The following CDH4 variants were observed in gnomAD, a reference collection of about 807,000 sequenced individuals.
The protein encoded by CDH4 is cadherin 4, also known as cadherin-4.
In CDH4, 33 loss-of-function variants were observed where a neutral mutation model predicts 86.0. The observed-to-expected ratio is 0.38, with a 90% confidence interval of 0.29 to 0.51. The LOEUF (loss-of-function observed/expected upper bound fraction) is 0.51, where lower values mean the gene tolerates loss of function less well. CDH4 is among the 20% of genes least tolerant of loss of function. The pLI is 0.86. For synonymous variants in CDH4, 555 were observed against 549.4 expected, an observed-to-expected ratio of 1.01 and a Z score of -0.14; for missense variants, 1,114 against 1,307.4, an observed-to-expected ratio of 0.85 and a Z score of 2.28.
intron 2 of CDH4, among the ~76,000 whole-genome samples, chr20:61,495,463 G>T (rs2085654389): frequency 6.6e-6 from 1 of 152,194 alleles, no homozygotes; most frequent in South Asian, 2.1e-4. Flanking sequence ...CAGCTGTGCT[G>T]CAGGGCAGCC....
chr20:61,632,595 C>T (rs2086900078), intron 2 of CDH4, among the ~76,000 whole-genome samples: 1 of 152,022 alleles, frequency 6.6e-6, no homozygotes, highest in African/African-American at 2.4e-5. Context: ...CCACTCTACC[C>T]TCCACCCACT....
At chr20:61,576,432 G>A (rs948625833) in intron 2 of CDH4, among the ~76,000 whole-genome samples, 1 of 152,140 alleles carries the variant, frequency 6.6e-6, no homozygotes, top group Non-Finnish European at 1.5e-5. Context: ...CCTGGTCTTG[G>A]CTTCACTAGT....
intron 2 of CDH4, among the ~76,000 whole-genome samples, chr20:61,260,883 T>A (rs981391125): frequency 2.0e-5 from 3 of 152,228 alleles, no homozygotes; most frequent in Admixed American, 1.3e-4. Flanking sequence ...TAGAAAGTGG[T>A]TGCTATCAGA....
chr20:61,891,012 C>T (rs1461540424), intron 7 of CDH4, among the ~76,000 whole-genome samples: 2 of 152,042 alleles, frequency 1.3e-5, no homozygotes, highest in African/African-American at 4.8e-5. Context: ...AAAATCAATT[C>T]CAGAGACTTT....
chr20:61,328,452 G>T (rs761762622), intron 2 of CDH4, among the ~76,000 whole-genome samples: 22 of 152,222 alleles, frequency 1.4e-4, no homozygotes, highest in Non-Finnish European at 2.9e-4. Context: ...TGGGATTACA[G>T]GCGTGAGCCA....
chr20:61,710,745 C>A (rs1247940789), intron 2 of CDH4, among the ~76,000 whole-genome samples: 1 of 152,200 alleles, frequency 6.6e-6, no homozygotes, highest in Non-Finnish European at 1.5e-5. Flanking sequence ...TGATGCTGTT[C>A]CAGGCTAAAG....
chr20:61,739,247 C>T (rs1260833609), intron 2 of CDH4, among the ~76,000 whole-genome samples: 1 of 152,316 alleles, frequency 6.6e-6, no homozygotes, highest in African/African-American at 2.4e-5. Context: ...CGGGGGGTCC[C>T]GTGAAGATTC....
intron 14 of CDH4, 65 bp from the exon 15 acceptor site, chr20:61,933,991 C>A: frequency 1.3e-6 from 2 of 1,569,626 alleles, no homozygotes; most frequent in Non-Finnish European, 1.7e-6. Context: ...GAAAAGGATG[C>A]AGGGTGGAAG....
chr20:61,777,405 G>C (rs916420738), intron 4 of CDH4, among the ~76,000 whole-genome samples: 2 of 152,222 alleles, frequency 1.3e-5, no homozygotes, highest in African/African-American at 2.4e-5. Context: ...TGCAAGTATC[G>C]CTGTGGCTCA....
chr20:61,787,471 G>C (rs2386938), intron 4 of CDH4, among the ~76,000 whole-genome samples: 53,344 of 151,994 alleles, frequency 0.35, 9,580 homozygotes, highest in African/African-American at 0.41. Context: ...AGGTAACTGC[G>C]CCCATGATTC....
intron 2 of CDH4, among the ~76,000 whole-genome samples, chr20:61,711,955 G>A (rs954300133): frequency 6.6e-6 from 1 of 152,186 alleles, no homozygotes; most frequent in Non-Finnish European, 1.5e-5. Context: ...GCTGTGCACT[G>A]AGGTGAGTTG....
chr20:61,924,317 A>G lies in CDH4; in HGVS notation c.1629-17A>G, dbSNP rs750292989. On this transcript the variant is annotated splice_polypyrimidine_tract_variant and intron_variant, in intron 10 of 15. Coordinates refer to ENST00000614565, the MANE Select transcript of CDH4 (RefSeq NM_001794.5). The stretch of plus-strand genomic sequence containing the variant: ...CACCCCCAGCCTTACCTCCCCCTGC[A>G]CTTGTGGTCTCCGCAGATACTCAAA... 5.8e-6 allele frequency: 8 copies of G among 1,382,532 alleles called. No individual in the cohort carries two copies. In the African/African-American group the frequency reaches 6.2e-5, roughly 11 times the overall value. 85.6% of individuals were successfully genotyped at this position (1,382,532 alleles called of 1,614,324 possible).
rs539698736 is a variant in CDH4 at position 61,840,254 on chromosome 20, TC to T, written c.577-4411del. ...ACAGGAGGCCCTGGTGCAGGGGCCTTCCCGGTGGGTGGGTCTCTCCCTCCCC... is the reference window on the plus strand; with the variant it reads ...ACAGGAGGCCCTGGTGCAGGGGCCTTCCGGTGGGTGGGTCTCTCCCTCCCC... On this transcript the variant is annotated intron_variant, in intron 4 of 15. Transcript: ENST00000614565. Among the ~76,000 whole-genome samples the T allele has an allele frequency of 1.8e-4, 27 of 152,274 alleles. No individual in the cohort carries two copies. In the East Asian group the frequency reaches 5.0e-3, roughly 28 times the overall value.
At chr20:61,696,761 G>A (rs1441117013) in intron 2 of CDH4, among the ~76,000 whole-genome samples, 1 of 152,198 alleles carries the variant, frequency 6.6e-6, no homozygotes, top group African/African-American at 2.4e-5. Context: ...ATACATCCAT[G>A]TCCTCACCCC....
intron 2 of CDH4, among the ~76,000 whole-genome samples, chr20:61,505,814 T>G (rs2085736416): frequency 6.6e-6 from 1 of 151,508 alleles, no homozygotes; most frequent in Admixed American, 6.6e-5. Flanking sequence ...CTCACGCTGC[T>G]TATGTTAAGA....
At chr20:61,923,975 C>T (rs2055014992) in intron 10 of CDH4, among the ~76,000 whole-genome samples, 1 of 152,244 alleles carries the variant, frequency 6.6e-6, no homozygotes, top group Admixed American at 6.5e-5. Context: ...TGGCCACACT[C>T]TCATAGCTAT....
At chr20:61,494,913 G>A (rs760834039) in intron 2 of CDH4, among the ~76,000 whole-genome samples, 10 of 152,212 alleles carry the variant, frequency 6.6e-5, no homozygotes, top group Admixed American at 6.5e-4. Flanking sequence ...ACATTCATTC[G>A]CCCAACCTGC....
At chr20:61,868,975 G>A (rs891404734) in intron 6 of CDH4, among the ~76,000 whole-genome samples, 2 of 152,040 alleles carry the variant, frequency 1.3e-5, no homozygotes, top group African/African-American at 4.8e-5. Context: ...TGGCAAACGT[G>A]GCAGGCTGTG....
At chr20:61,809,317 C>T (rs1022982907) in intron 4 of CDH4, among the ~76,000 whole-genome samples, 11 of 152,044 alleles carry the variant, frequency 7.2e-5, no homozygotes, top group African/African-American at 9.7e-5. Context: ...ATGGGTGTGA[C>T]GCATCTGTGC....
Sources: allele counts gnomAD v4.1 joint callset (sites outside exome capture counted in the v4.1 genomes callset), GRCh38; gene constraint gnomAD v4.1.1; transcripts MANE v1.5; gene names NCBI Gene and HGNC (gene_info 2026-07-23, HGNC 2026-07-21).